Variants in DAPK1 observed in about 807,000 individuals in gnomAD.
DAPK1 encodes the protein death associated protein kinase 1.
In DAPK1, 56 loss-of-function variants were observed where a neutral mutation model predicts 144.9. The ratio of observed to expected loss-of-function variants is 0.39; its 90% CI spans 0.31 to 0.48. The LOEUF (loss-of-function observed/expected upper bound fraction) is 0.48, where lower values mean the gene tolerates loss of function less well. DAPK1 is among the 20% of genes least tolerant of loss of function. DAPK1 has a pLI of 0.95. For missense variants in DAPK1, 1,454 were observed against 1,875.4 expected, an observed-to-expected ratio of 0.78 and a Z score of 4.15; for synonymous variants, 690 against 749.0, an observed-to-expected ratio of 0.92 and a Z score of 1.29.
At position 87,698,714 on chromosome 9, in the gene DAPK1, C is replaced by T. The variant is rs758636885; in HGVS notation, c.2670C>T (p.Asp890=). ...TTGTCCTGGTGGCCACCCACGCTGA[C>T]ATCATGAATGTTCCTCGACCGGCTG... ...LQVVLVATHA[D]IMNVPRPAGG... is the part of the protein sequence containing the mutation. The change falls in exon 23 of 26, where the codon GAC becomes GAT. Residue 890 remains aspartate (D), a synonymous_variant. Transcript: ENST00000408954. The T allele has an allele frequency of 3.8e-6, 6 of 1,596,764 alleles. No homozygotes were observed. In the Admixed American group the frequency reaches 8.3e-5, roughly 22 times the overall value.
rs1174970057 is a variant in DAPK1, at chr9:87,571,490, CACACCCCA to C, written c.63-33459_63-33452del. Among the ~76,000 whole-genome samples the C allele has an allele frequency of 8.1e-3, 367 of 45,174 alleles. 35 individuals are homozygous for C. The highest frequency in any genetic ancestry group is 0.036 in the East Asian group (37 of 1,018). 29.6% of individuals were successfully genotyped at this position (45,174 alleles called of 152,430 possible). On this transcript the variant is annotated intron_variant, in intron 2 of 25. Coordinates refer to ENST00000408954, the MANE Select transcript of DAPK1 (RefSeq NM_004938.4). ...ACACACACACCAACACACACACACA[CACACCCCA>C]ACACACACACACACACACACACACA...
chr9:87,632,476 G>A lies in DAPK1; in HGVS notation c.285-5467G>A, dbSNP rs1027595322. ...GATGAGTATATATATAGGAATGAAG[G>A]GTGATCAGTATATATGTAGGGATGA... On this transcript the variant is annotated intron_variant, in intron 3 of 25. Coordinates refer to ENST00000408954, the MANE Select transcript of DAPK1 (RefSeq NM_004938.4). 9.2e-6 allele frequency: 9 copies of A among 980,568 alleles called. No homozygotes were observed. In the African/African-American group the frequency reaches 1.2e-4, roughly 13 times the overall value. 60.7% of individuals were successfully genotyped at this position (980,568 alleles called of 1,614,324 possible).
intron 2 of DAPK1, among the ~76,000 whole-genome samples, chr9:87,599,281 T>G (rs941501094): frequency 1.3e-5 from 2 of 152,180 alleles, no homozygotes; most frequent in Non-Finnish European, 2.9e-5. Flanking sequence ...TTCTTATTGG[T>G]CAGAAGAGAT....
In DAPK1 at chr9:87,704,450, T is replaced by G. The variant is rs3793646; in HGVS notation, c.3060+1233T>G. ...GGTAATTAGGCAGCAGGAACTACATTGTGTGGCCCGACTTTGATTGGCCCC... is the reference window on the plus strand; with the variant it reads ...GGTAATTAGGCAGCAGGAACTACATGGTGTGGCCCGACTTTGATTGGCCCC... On this transcript the variant is annotated intron_variant, in intron 25 of 25. Transcript: ENST00000408954. 0.01 allele frequency among the ~76,000 whole-genome samples: 1,561 copies of G among 152,298 alleles called. 75 individuals are homozygous for G. In the East Asian group the frequency reaches 0.14, roughly 13 times the overall value.
At chr9:87,644,908 A>G (rs1388087646) in intron 11 of DAPK1, among the ~76,000 whole-genome samples, 1 of 152,194 alleles carries the variant, frequency 6.6e-6, no homozygotes, top group African/African-American at 2.4e-5. Context: ...TTGCACTTTC[A>G]TGTAAACGCC....
rs1443991903 is a variant in DAPK1, at chr9:87,549,950, A to G, written c.62+50811A>G. Among the ~76,000 whole-genome samples the G allele has an allele frequency of 4.6e-5, 7 of 152,262 alleles. No homozygotes were observed. The East Asian group carries it at 9.6e-4, about 21-fold the overall frequency. ...TTCAAAGTAAGTTGCAGGTGTCTGT[A>G]TACCTCATCCTTTTAAGGCTTCGTC... On this transcript the variant is annotated intron_variant, in intron 2 of 25. Coordinates refer to ENST00000408954, the MANE Select transcript of DAPK1 (RefSeq NM_004938.4).
intron 2 of DAPK1, chr9:87,507,093 G>A (rs577917617): frequency 2.0e-5 from 3 of 152,328 alleles, no homozygotes; most frequent in African/African-American, 7.2e-5. Context: ...CCTGACAAGC[G>A]TGGTCCAATA....
chr9:87,664,071 C>T (rs890174702), intron 18 of DAPK1, among the ~76,000 whole-genome samples: 1 of 152,054 alleles, frequency 6.6e-6, no homozygotes, highest in Non-Finnish European at 1.5e-5. Flanking sequence ...CCCTTGGGAC[C>T]AGTCCATCCC....
At chr9:87,662,184 C>G (rs117318552) in intron 18 of DAPK1, among the ~76,000 whole-genome samples, 3,650 of 152,188 alleles carry the variant, frequency 0.024, 62 homozygotes, top group Non-Finnish European at 0.037. Context: ...ATTCCATTAT[C>G]TGTTTTTATG....
intron 2 of DAPK1, among the ~76,000 whole-genome samples, chr9:87,531,429 AAAG>A (rs1361617790): frequency 6.6e-6 from 1 of 152,182 alleles, no homozygotes; most frequent in Non-Finnish European, 1.5e-5. Flanking sequence ...GAATAAATAG[AAAG>A]AAGAATAGTT....
At chr9:87,567,709 C>G (rs1827178438) in intron 2 of DAPK1, among the ~76,000 whole-genome samples, 1 of 152,110 alleles carries the variant, frequency 6.6e-6, no homozygotes, top group Admixed American at 6.5e-5. Context: ...AGTTGTTGCA[C>G]TCATAGGGCT....
At chr9:87,640,532 C>T (rs764067124) in intron 8 of DAPK1, 82 bp downstream of exon 8, 11 of 1,444,454 alleles carry the variant, frequency 7.6e-6, no homozygotes, top group South Asian at 5.2e-5. Context: ...CACAGGGCCA[C>T]GTTCCTCAGA....
chr9:87,665,066 G>A (rs974387362), intron 18 of DAPK1, among the ~76,000 whole-genome samples: 1 of 152,042 alleles, frequency 6.6e-6, no homozygotes, highest in Non-Finnish European at 1.5e-5. Context: ...TCTCAGGGAG[G>A]CCTTTCTGGA....
intron 23 of DAPK1, 80 bp downstream of exon 23, chr9:87,698,874 A>G: frequency 1.2e-6 from 1 of 837,352 alleles, no homozygotes; most frequent in Non-Finnish European, 2.0e-6. Context: ...GAAAAGTACA[A>G]AGGAAGTCTC....
At chr9:87,586,059 G>A (rs1053068297) in intron 2 of DAPK1, among the ~76,000 whole-genome samples, 7 of 152,228 alleles carry the variant, frequency 4.6e-5, no homozygotes, top group African/African-American at 1.7e-4. Flanking sequence ...AGGCCGAGGC[G>A]AGCGGATCAC....
chr9:87,518,259 G>GC (rs1267912212), intron 2 of DAPK1, among the ~76,000 whole-genome samples: 2 of 150,010 alleles, frequency 1.3e-5, no homozygotes, highest in Non-Finnish European at 3.0e-5. Context: ...TTACAGGCGT[G>GC]CCCCACCACA....
chr9:87,707,863 C>G lies in DAPK1; in HGVS notation c.*499C>G. On this transcript the variant is annotated 3_prime_UTR_variant, in exon 26 of 26. Coordinates refer to ENST00000408954, the MANE Select transcript of DAPK1 (RefSeq NM_004938.4). This position sits in a 1 kb window ranked among gnomAD's most constrained non-coding sequence, Gnocchi z 4.0. Reference sequence around the variant, plus strand: ...AGAAACTCCCATGTATGGAATCCCACTGTATGATTTATAAACAGACAATAT... The same window carrying G: ...AGAAACTCCCATGTATGGAATCCCAGTGTATGATTTATAAACAGACAATAT... 2 of 456,776 alleles carry G rather than the reference C, an allele frequency of 4.4e-6. No homozygotes were observed. Among genetic ancestry groups the G allele is most frequent in the South Asian group, 3.1e-5 (2 of 64,538 alleles). 28.3% of individuals were successfully genotyped at this position (456,776 alleles called of 1,614,324 possible). A position where few individuals can be genotyped will look rare whatever the true frequency, so the allele number is the denominator to read the frequency against.
At position 87,605,066 on chromosome 9, in the gene DAPK1, G is replaced by A. The variant is rs1330227143; in HGVS notation, c.175G>A (p.Glu59Lys). The change falls in exon 3 of 26, where the codon GAG (glutamate) becomes AAG (lysine). Residue 59 changes from glutamate to lysine, a missense_variant. Transcript: ENST00000408954. ...TKSSRRGVSR[E>K]DIEREVSILK... Reference sequence around the variant, plus strand: ...GTCCAGCCGGCGGGGTGTGAGCCGCGAGGACATCGAGCGGGAGGTCAGCAT... The same window carrying A: ...GTCCAGCCGGCGGGGTGTGAGCCGCAAGGACATCGAGCGGGAGGTCAGCAT... 3.1e-6 allele frequency: 5 copies of A among 1,614,088 alleles called. No individual in the cohort carries two copies. Among genetic ancestry groups the A allele is most frequent in the East Asian group, 2.2e-5 (1 of 44,892 alleles).
chr9:87,562,877 A>G (rs1826981518), intron 2 of DAPK1, among the ~76,000 whole-genome samples: 1 of 152,232 alleles, frequency 6.6e-6, no homozygotes, highest in Admixed American at 6.5e-5. Context: ...AACTTAAGGA[A>G]TGATTTAAAG....
Sources: allele counts gnomAD v4.1 joint callset (sites outside exome capture counted in the v4.1 genomes callset), GRCh38; gene constraint gnomAD v4.1.1; non-coding constraint Gnocchi (gnomAD v3.1); transcripts MANE v1.5; gene names NCBI Gene and HGNC (gene_info 2026-07-23, HGNC 2026-07-21).